The following NEMP2 variants were observed in gnomAD, a reference collection of about 807,000 sequenced individuals.
The protein encoded by NEMP2 is nuclear envelope integral membrane protein 2, also known as UPF0571 transmembrane protein.
Under a neutral mutation model 54.2 loss-of-function variants are expected in NEMP2, and 53 were observed. The ratio of observed to expected loss-of-function variants is 0.98; its 90% CI spans 0.78 to 1.23. NEMP2 has a LOEUF of 1.23. Among genes scored for constraint, NEMP2 ranks in the 50% most tolerant of loss-of-function variants. The probability of loss-of-function intolerance (pLI) is 0.00; values close to 1 mark genes in which losing one functional copy is unlikely to be tolerated. For missense variants in NEMP2, 455 were observed against 511.3 expected, an observed-to-expected ratio of 0.89 and a Z score of 1.06; for synonymous variants, 197 against 190.3, an observed-to-expected ratio of 1.04 and a Z score of -0.29.
At chr2:190,597,265 A>G in the NEMP2 span, among the ~76,000 whole-genome samples, 4 of 146,016 alleles carry the variant, frequency 2.7e-5, no homozygotes, top group African/African-American at 4.9e-5. The surrounding 1 kb of genome is among the most constrained non-coding windows in gnomAD (Gnocchi z 4.7). Flanking sequence ...TCTGTCTCCA[A>G]AAAAAAAAAA....
the NEMP2 span, among the ~76,000 whole-genome samples, chr2:190,481,787 AT>A: frequency 6.6e-6 from 1 of 152,216 alleles, no homozygotes; most frequent in Non-Finnish European, 1.5e-5. Flanking sequence ...AAATTGTTGC[AT>A]GTCTTATATA....
At chr2:190,558,768 ATAAAG>A in the NEMP2 span, among the ~76,000 whole-genome samples, 3 of 152,230 alleles carry the variant, frequency 2.0e-5, no homozygotes, top group Admixed American at 6.5e-5. This position sits in a 1 kb window ranked among gnomAD's most constrained non-coding sequence, Gnocchi z 4.4. Flanking sequence ...ATTTCAAAAA[ATAAAG>A]TAAACTGATA....
the NEMP2 span, among the ~76,000 whole-genome samples, chr2:190,476,498 A>G: frequency 6.6e-6 from 1 of 152,226 alleles, no homozygotes; most frequent in Non-Finnish European, 1.5e-5. Context: ...TCAAAACCAC[A>G]ATGAGATACC....
the NEMP2 span, among the ~76,000 whole-genome samples, chr2:190,574,219 A>C: frequency 3.9e-4 from 59 of 152,362 alleles, no homozygotes; most frequent in African/African-American, 1.4e-3. Flanking sequence ...AGATGAACAG[A>C]AATAAATTGA....
chr2:190,445,798 A>T, the NEMP2 span, among the ~76,000 whole-genome samples: 2 of 135,676 alleles, frequency 1.5e-5, no homozygotes, highest in Non-Finnish European at 3.2e-5. Context: ...AATCAGATTC[A>T]TAACGTGGTA....
the NEMP2 span, chr2:190,436,670 T>G: frequency 1.9e-6 from 3 of 1,614,204 alleles, no homozygotes; most frequent in Non-Finnish European, 2.5e-6. The surrounding 1 kb of genome is among the most constrained non-coding windows in gnomAD (Gnocchi z 5.3). Flanking sequence ...ACCGTTACTT[T>G]GCCAACAGCT....
chr2:190,498,176 C>T, the NEMP2 span, among the ~76,000 whole-genome samples: 5 of 152,162 alleles, frequency 3.3e-5, no homozygotes, highest in African/African-American at 9.7e-5. This position sits in a 1 kb window ranked among gnomAD's most constrained non-coding sequence, Gnocchi z 5.9. Flanking sequence ...CAGGTGGCCT[C>T]ACCTGAAAAA....
chr2:190,471,112 G>A, the NEMP2 span, among the ~76,000 whole-genome samples: 1 of 152,160 alleles, frequency 6.6e-6, no homozygotes, highest in South Asian at 2.1e-4. The surrounding 1 kb of genome is among the most constrained non-coding windows in gnomAD (Gnocchi z 4.7). Context: ...CAGGAGGGTG[G>A]AGCCAAGATG....
the NEMP2 span, among the ~76,000 whole-genome samples, chr2:190,558,906 A>G: frequency 6.6e-6 from 1 of 152,244 alleles, no homozygotes; most frequent in African/African-American, 2.4e-5. This position sits in a 1 kb window ranked among gnomAD's most constrained non-coding sequence, Gnocchi z 4.4. Flanking sequence ...ATGTGTATAT[A>G]TGAATATTAT....
chr2:190,592,875 A>T, the NEMP2 span, among the ~76,000 whole-genome samples: 1 of 152,228 alleles, frequency 6.6e-6, no homozygotes, highest in Non-Finnish European at 1.5e-5. This position sits in a 1 kb window ranked among gnomAD's most constrained non-coding sequence, Gnocchi z 4.4. Flanking sequence ...TATTAAGAGT[A>T]ATTAATTCAA....
chr2:190,442,084 C>T, the NEMP2 span, among the ~76,000 whole-genome samples: 4 of 152,124 alleles, frequency 2.6e-5, no homozygotes, highest in East Asian at 1.9e-4. Flanking sequence ...ATAACTTTTT[C>T]CCCATTCTGA....
the NEMP2 span, among the ~76,000 whole-genome samples, chr2:190,445,180 T>C: frequency 2.6e-5 from 4 of 152,246 alleles, no homozygotes; most frequent in South Asian, 8.3e-4. Context: ...AATCTGGGGA[T>C]ACTTATCTCA....
the NEMP2 span, among the ~76,000 whole-genome samples, chr2:190,602,126 A>G: frequency 6.6e-6 from 1 of 152,210 alleles, no homozygotes; most frequent in Non-Finnish European, 1.5e-5. Context: ...CAGTGAGGGA[A>G]GGAGAGACTG....
the NEMP2 span, among the ~76,000 whole-genome samples, chr2:190,495,129 A>AC: frequency 6.6e-6 from 1 of 152,134 alleles, no homozygotes; most frequent in East Asian, 1.9e-4. The surrounding 1 kb of genome is among the most constrained non-coding windows in gnomAD (Gnocchi z 4.7). Flanking sequence ...AGCTCTTAGA[A>AC]CTGATAAATG....
chr2:190,611,754 TAC>T, the NEMP2 span, among the ~76,000 whole-genome samples: 1 of 152,248 alleles, frequency 6.6e-6, no homozygotes, highest in African/African-American at 2.4e-5. The surrounding 1 kb of genome is among the most constrained non-coding windows in gnomAD (Gnocchi z 5.4). Context: ...TTGCTTTCCT[TAC>T]ACACCTTGCA....
the NEMP2 span, among the ~76,000 whole-genome samples, chr2:190,633,060 T>A: frequency 5.3e-5 from 8 of 152,132 alleles, no homozygotes; most frequent in Non-Finnish European, 1.2e-4. Context: ...CCTTCCTATT[T>A]TTCCCTGTTG....
chr2:190,546,542 G>T, the NEMP2 span, among the ~76,000 whole-genome samples: 7 of 152,056 alleles, frequency 4.6e-5, no homozygotes, highest in African/African-American at 1.7e-4. This position sits in a 1 kb window ranked among gnomAD's most constrained non-coding sequence, Gnocchi z 5.1. Flanking sequence ...ATCATATTTT[G>T]CCAATAAAGT....
chr2:190,437,604 T>G, the NEMP2 span: 65 of 1,572,056 alleles, frequency 4.1e-5, 1 homozygote, highest in Admixed American at 7.8e-4. This position sits in a 1 kb window ranked among gnomAD's most constrained non-coding sequence, Gnocchi z 5.9. Flanking sequence ...CAATTGAACT[T>G]TATCTTTTTA....
chr2:190,593,304 A>G, the NEMP2 span, among the ~76,000 whole-genome samples: 1 of 152,214 alleles, frequency 6.6e-6, no homozygotes, highest in Non-Finnish European at 1.5e-5. The surrounding 1 kb of genome is among the most constrained non-coding windows in gnomAD (Gnocchi z 4.5). Flanking sequence ...CATGACTTGA[A>G]AAAGAAAGTT....
Sources: allele counts gnomAD v4.1 joint callset (sites outside exome capture counted in the v4.1 genomes callset), GRCh38; gene constraint gnomAD v4.1.1; non-coding constraint Gnocchi (gnomAD v3.1); transcripts MANE v1.5; gene names NCBI Gene and HGNC (gene_info 2026-07-23, HGNC 2026-07-21).